Variants in NDUFAF6 observed in about 807,000 individuals in gnomAD.
The protein encoded by NDUFAF6 is NADH:ubiquinone oxidoreductase complex assembly factor 6.
Under a neutral mutation model 40.8 loss-of-function variants are expected in NDUFAF6, and 45 were observed. That is an observed-to-expected ratio of 1.10 (90% CI 0.87 to 1.42). The LOEUF is 1.42. NDUFAF6 is among the 40% of genes most tolerant of loss of function. The pLI, the probability that NDUFAF6 is intolerant of heterozygous loss-of-function variation, is 0.00. For missense variants in NDUFAF6, 435 were observed against 418.5 expected (o/e 1.04, Z -0.34); for synonymous variants, 185 against 155.9 (o/e 1.19, Z -1.39).
intron 1 of NDUFAF6, among the ~76,000 whole-genome samples, chr8:94,979,160 C>T (rs931176214): frequency 2.0e-5 from 3 of 152,196 alleles, no homozygotes; most frequent in Admixed American, 6.5e-5. Context: ...TTCAGATCCT[C>T]ATCATTCTGG....
chr8:94,955,460 C>A (rs10956933), upstream of NDUFAF6, among the ~76,000 whole-genome samples: 1 of 151,994 alleles, frequency 6.6e-6, no homozygotes, highest in Non-Finnish European at 1.5e-5. Flanking sequence ...ACCTAATCAC[C>A]TCTTAAAGGT....
intron 1 of NDUFAF6, among the ~76,000 whole-genome samples, chr8:94,909,772 T>A (rs931531822): frequency 3.3e-5 from 5 of 150,346 alleles, no homozygotes; most frequent in African/African-American, 1.2e-4. Flanking sequence ...AATAAATAAA[T>A]AAAAATTATA....
chr8:95,080,595 T>G (rs1808809653), downstream of NDUFAF6, among the ~76,000 whole-genome samples: 1 of 151,094 alleles, frequency 6.6e-6, no homozygotes, highest in East Asian at 1.9e-4. Flanking sequence ...TGTAGTGATT[T>G]TCGGTAGTGT....
At chr8:94,956,479 A>T (rs1460471537), upstream of NDUFAF6, among the ~76,000 whole-genome samples, 1 of 152,178 alleles carries the variant, frequency 6.6e-6, no homozygotes, top group Non-Finnish European at 1.5e-5. Context: ...GCAGTGAGGG[A>T]AAGAGACTGG....
At chr8:94,983,016 C>G (rs1825570312) in intron 2 of NDUFAF6, among the ~76,000 whole-genome samples, 1 of 152,168 alleles carries the variant, frequency 6.6e-6, no homozygotes, top group African/African-American at 2.4e-5. Context: ...GGGCAGACCA[C>G]CATCTCCCTA....
At chr8:94,985,009 T>C (rs1389516913) in intron 2 of NDUFAF6, among the ~76,000 whole-genome samples, 1 of 152,050 alleles carries the variant, frequency 6.6e-6, no homozygotes, top group African/African-American at 2.4e-5. Context: ...GCTGCCTTCC[T>C]CTCTGAAGGC....
chr8:94,934,350 A>G (rs933859735), intron 1 of NDUFAF6, among the ~76,000 whole-genome samples: 6 of 152,022 alleles, frequency 3.9e-5, no homozygotes, highest in Non-Finnish European at 8.8e-5. Context: ...AAACATATAA[A>G]TGCCAGTAAG....
rs1249271728 is a variant in NDUFAF6, at chr8:94,985,500, TATATATATATATATA to T, written c.-84+4528_-84+4542del. ...ATATATATATATATATATATATATATATATATATATATATATTTTTTTTTTTTTTTTTTTTTTTTT... is the reference window on the plus strand; with the variant it reads ...ATATATATATATATATATATATATATTTTTTTTTTTTTTTTTTTTTTTTTT... On this transcript the variant is annotated intron_variant, in intron 2 of 9. Transcript: ENST00000396111. 9.8e-3 allele frequency among the ~76,000 whole-genome samples: 86 copies of T among 8,814 alleles called. 2 individuals are homozygous for T. The highest frequency in any genetic ancestry group is 0.021 in the African/African-American group (44 of 2,120). The allele number at this position is 8,814 out of a possible 152,430, so 5.8% of individuals were successfully genotyped here.
rs557996218 is a variant in NDUFAF6, at chr8:95,041,468, G to A, written c.421-102G>A. On this transcript the variant is annotated intron_variant, in intron 3 of 8. Transcript: ENST00000396124. ...TCTATATGGTGATGTTATTACAAATGTTCCCTTACTTAGTTTTGTATTTGG... is the reference window on the plus strand; with the variant it reads ...TCTATATGGTGATGTTATTACAAATATTCCCTTACTTAGTTTTGTATTTGG... The A allele has an allele frequency of 1.2e-4, 94 of 792,912 alleles. 1 individual carries two copies. In the African/African-American group the frequency reaches 1.2e-3, roughly 10 times the overall value. The allele number at this position is 792,912 out of a possible 1,614,324, so 49.1% of individuals were successfully genotyped here.
chr8:95,088,202 T>A (rs1483885638), intron 2 of NDUFAF6, among the ~76,000 whole-genome samples: 2 of 152,128 alleles, frequency 1.3e-5, no homozygotes, highest in African/African-American at 4.8e-5. Flanking sequence ...GCTCACAGCC[T>A]CCCACAGGCT....
intron 1 of NDUFAF6, among the ~76,000 whole-genome samples, chr8:95,027,910 T>G (rs1828369485): frequency 6.6e-6 from 1 of 152,176 alleles, no homozygotes; most frequent in African/African-American, 2.4e-5. Flanking sequence ...TCCTAGCAAT[T>G]TAGGTTTTTG....
chr8:94,994,670 C>T (rs1826341596), intron 2 of NDUFAF6, among the ~76,000 whole-genome samples: 1 of 151,926 alleles, frequency 6.6e-6, no homozygotes, highest in Non-Finnish European at 1.5e-5. Context: ...CCTGTCTCTA[C>T]AAAAATTAAC....
intron 1 of NDUFAF6, among the ~76,000 whole-genome samples, chr8:95,100,914 C>T (rs760140286): frequency 1.8e-4 from 28 of 152,090 alleles, no homozygotes; most frequent in African/African-American, 5.8e-4. Flanking sequence ...CCAAGGTTAC[C>T]GTAAAAAGCG....
chr8:95,004,370 T>TC (rs1826868074), intron 2 of NDUFAF6, among the ~76,000 whole-genome samples: 3 of 137,474 alleles, frequency 2.2e-5, no homozygotes, highest in African/African-American at 7.8e-5. Flanking sequence ...TTTTTTTTTT[T>TC]TTGAGACCGG....
chr8:94,923,058 C>G (rs764895218), intron 1 of NDUFAF6, among the ~76,000 whole-genome samples: 2 of 152,094 alleles, frequency 1.3e-5, no homozygotes, highest in Admixed American at 1.3e-4. Context: ...GTTAGCAGAA[C>G]AGGCATGTCG....
downstream of NDUFAF6, among the ~76,000 whole-genome samples, chr8:95,105,895 T>G (rs1015257491): frequency 3.3e-5 from 5 of 152,184 alleles, no homozygotes; most frequent in African/African-American, 1.2e-4. Context: ...CTTGATCTCC[T>G]GAAGTGCGGG....
intron 1 of NDUFAF6, 35 bp from the exon 2 acceptor site, chr8:95,031,960 G>A (rs1587028318): frequency 1.3e-6 from 2 of 1,578,676 alleles, no homozygotes; most frequent in Non-Finnish European, 8.7e-7. Context: ...CTTGGAAAGT[G>A]AAGAGTAACT....
chr8:94,963,528 A>G (rs995701969), intron 1 of NDUFAF6, among the ~76,000 whole-genome samples: 2 of 152,244 alleles, frequency 1.3e-5, no homozygotes, highest in Non-Finnish European at 2.9e-5. Flanking sequence ...AGCAAAGAGA[A>G]AAAAGCTTTC....
chr8:95,071,556 C>T (rs1185256561), intron 9 of NDUFAF6, among the ~76,000 whole-genome samples: 2 of 152,168 alleles, frequency 1.3e-5, no homozygotes, highest in African/African-American at 2.4e-5. Flanking sequence ...GCCCCAGAGC[C>T]GACCCCAGTA....
Sources: allele counts gnomAD v4.1 joint callset (sites outside exome capture counted in the v4.1 genomes callset), GRCh38; gene constraint gnomAD v4.1.1; transcripts MANE v1.5; gene names NCBI Gene and HGNC (gene_info 2026-07-23, HGNC 2026-07-21).